SH2B2: variants seen among roughly 807,000 people sequenced by gnomAD.
SH2B2 encodes SH2B adaptor protein 2.
In SH2B2, 37 loss-of-function variants were observed where a neutral mutation model predicts 35.7. The observed-to-expected ratio is 1.04, with a 90% CI of 0.80 to 1.36. The LOEUF is 1.36. Ranked by LOEUF, SH2B2 falls within the 40% of genes most tolerant of loss-of-function variation. The pLI, the probability that SH2B2 is intolerant of heterozygous loss-of-function variation, is 0.00. For missense variants in SH2B2, 852 were observed against 817.7 expected, an observed-to-expected ratio of 1.04 and a Z score of -0.51; for synonymous variants, 383 against 376.4, an observed-to-expected ratio of 1.02 and a Z score of -0.20.
rs1792955320 is a variant in SH2B2 at position 102,297,286 on chromosome 7, C to T, written c.-29-3236C>T. Among the ~76,000 whole-genome samples, 1 of 151,912 alleles carries T rather than the reference C, an allele frequency of 6.6e-6. No homozygotes were observed. The highest frequency in any genetic ancestry group is 1.5e-5 in the Non-Finnish European group (1 of 67,980). The stretch of plus-strand genomic sequence containing the variant: ...CAAAAAAAATGTAGCGGGCCAGGTG[C>T]AAGTGGCTCGTGCCTGTAATTTCAG... On this transcript the variant is annotated intron_variant, in intron 1 of 8. Transcript: ENST00000444095. This position sits in a 1 kb window ranked among gnomAD's most constrained non-coding sequence, Gnocchi z 4.3.
At chr7:102,293,176 G>A (rs1792749426) in intron 1 of SH2B2, 1 of 153,654 alleles carries the variant, frequency 6.5e-6, no homozygotes, top group Admixed American at 6.6e-5. Context: ...GAATTGCTGC[G>A]CGGGCGGGGG....
intron 7 of SH2B2, among the ~76,000 whole-genome samples, chr7:102,317,712 G>A (rs868952697): frequency 5.9e-5 from 9 of 152,156 alleles, no homozygotes; most frequent in Admixed American, 1.3e-4. Context: ...CAGCTCCTGC[G>A]CGCGGGGGAT....
chr7:102,289,519 T>A (rs1374506391), intron 1 of SH2B2, among the ~76,000 whole-genome samples: 2 of 151,846 alleles, frequency 1.3e-5, no homozygotes, highest in East Asian at 3.9e-4. Flanking sequence ...TTGGATGTGG[T>A]GAGTTTGAGG....
Position 102,320,348 on chromosome 7 carries a change from GAA to G in SH2B2, c.1414_1415del (p.Asn472ArgfsTer17). 6.2e-7 allele frequency: 1 copy of G among 1,611,844 alleles called. No homozygotes were observed. The highest frequency in any genetic ancestry group is 8.5e-7 in the Non-Finnish European group (1 of 1,179,842). On this transcript the variant is annotated frameshift_variant, in exon 8 of 9. Coordinates refer to ENST00000444095, the MANE Select transcript of SH2B2 (RefSeq NM_001359228.2). LOFTEE classifies it high-confidence loss of function. ...ACCCACAGCACCTGCGCCTGTCCCTGAACGGCCACGGCCAGTGTCACGTACAG... is the reference window on the plus strand; with the variant it reads ...ACCCACAGCACCTGCGCCTGTCCCTGCGGCCACGGCCAGTGTCACGTACAG... Reference protein sequence around the residue: ...GKAKHLRLSLNGHGQCHVQHL... With the variant: ...GKAKHLRLSLXGHGQCHVQHL...
intron 1 of SH2B2, among the ~76,000 whole-genome samples, chr7:102,288,523 C>T (rs1441133067): frequency 1.3e-5 from 2 of 151,990 alleles, no homozygotes; most frequent in African/African-American, 4.8e-5. Flanking sequence ...TTTCTTTTTA[C>T]CCTTGTTGTG....
intron 1 of SH2B2, among the ~76,000 whole-genome samples, chr7:102,299,141 C>T (rs1304237790): frequency 7.0e-6 from 1 of 141,966 alleles, no homozygotes; most frequent in Non-Finnish European, 1.5e-5. Context: ...CTTCGTGATG[C>T]GCCCGCCTCG....
chr7:102,285,277 A>G (rs1792398059), upstream of SH2B2: 13 of 1,529,350 alleles, frequency 8.5e-6, no homozygotes, highest in Non-Finnish European at 1.2e-5. Flanking sequence ...ACCGCGGGTC[A>G]GGCTCTCCCC....
upstream of SH2B2, among the ~76,000 whole-genome samples, chr7:102,286,694 C>G (rs1418351563): frequency 6.7e-6 from 1 of 149,370 alleles, no homozygotes; most frequent in Non-Finnish European, 1.5e-5. Flanking sequence ...CCAGCAAGCA[C>G]CGGCCACCGG....
intron 3 of SH2B2, 50 bp downstream of exon 3, chr7:102,306,872 C>A: frequency 1.4e-6 from 2 of 1,426,680 alleles, no homozygotes; most frequent in Non-Finnish European, 1.9e-6. Context: ...CCCAGGCCAC[C>A]TTCCCTTTAG....
chr7:102,295,388 T>G (rs1792862900), intron 1 of SH2B2, among the ~76,000 whole-genome samples: 1 of 152,146 alleles, frequency 6.6e-6, no homozygotes, highest in African/African-American at 2.4e-5. Flanking sequence ...GGGACAGGGT[T>G]TCATGGGTTC....
intron 1 of SH2B2, among the ~76,000 whole-genome samples, chr7:102,290,640 G>T (rs1296629201): frequency 6.6e-6 from 1 of 152,188 alleles, no homozygotes; most frequent in African/African-American, 2.4e-5. Context: ...ACCACTGCGT[G>T]GTGGCCAGAG....
chr7:102,315,851 G>A (rs1554556896), intron 6 of SH2B2, among the ~76,000 whole-genome samples: 1 of 151,902 alleles, frequency 6.6e-6, no homozygotes, highest in Non-Finnish European at 1.5e-5. Context: ...TCAGGGATTG[G>A]GAACAGGCGA....
rs182889337 is a variant in SH2B2, at chr7:102,310,294, C to T, written c.923+1388C>T. On this transcript the variant is annotated intron_variant, in intron 4 of 8. Transcript: ENST00000444095. The stretch of plus-strand genomic sequence containing the variant: ...CTGTGCCATTGCACTCCAGTCTGAG[C>T]GACAGAGCAAGACTGTCTCAAAATA... Among the ~76,000 whole-genome samples, 305 of 152,156 alleles carry T rather than the reference C, an allele frequency of 2.0e-3. 5 individuals carry two copies. Among genetic ancestry groups the T allele is most frequent in the Admixed American group, 0.018 (276 of 15,260 alleles).
rs1382496618 is a variant in SH2B2, at chr7:102,321,399, G to A, written c.1668G>A (p.Pro556=). ...CCAGCCTCGCCGCGGCCGCCTGCCC[G>A]CCTGCCTCGCCCTCCGACGCCGCCG... is the stretch of plus-strand genomic sequence containing the variant. ...YFSSLAAAAC[P]PASPSDAAGA... is the part of the protein sequence containing the mutation. The change falls in exon 9 of 9, where the codon CCG becomes CCA. Residue 556 remains proline (P), a synonymous_variant. Transcript: ENST00000444095. 2.2e-6 allele frequency: 3 copies of A among 1,373,024 alleles called. No individual in the cohort carries two copies. The highest frequency in any genetic ancestry group is 3.3e-5 in the East Asian group (1 of 30,650). The allele number at this position is 1,373,024 out of a possible 1,614,324, so 85.1% of individuals were successfully genotyped here.
chr7:102,307,858 C>T (rs1324056615), intron 3 of SH2B2, among the ~76,000 whole-genome samples: 2 of 152,014 alleles, frequency 1.3e-5, no homozygotes, highest in Admixed American at 6.5e-5. Flanking sequence ...ACAACCTCCT[C>T]CTCCCGGGCT....
At chr7:102,310,044 A>G (rs1793559458) in intron 4 of SH2B2, among the ~76,000 whole-genome samples, 1 of 152,162 alleles carries the variant, frequency 6.6e-6, no homozygotes, top group African/African-American at 2.4e-5. Context: ...GGCCAGGCAC[A>G]GTGGTTCATG....
intron 1 of SH2B2, among the ~76,000 whole-genome samples, chr7:102,291,943 G>A (rs1554551841): frequency 2.6e-5 from 4 of 152,126 alleles, no homozygotes. Flanking sequence ...GGCTGCAGGG[G>A]TGGAAGGGAC....
At position 102,297,207 on chromosome 7, in the gene SH2B2, C is replaced by T. The variant is rs371013341; in HGVS notation, c.-29-3315C>T. Among the ~76,000 whole-genome samples, 84 of 152,160 alleles carry T rather than the reference C, an allele frequency of 5.5e-4. No individual in the cohort carries two copies. The highest frequency in any genetic ancestry group is 2.0e-3 in the African/African-American group (83 of 41,504). ...GAATTATCCCTTTGTCTGGCATATCCGCACTCTGGATACGACCCGCTCGCC... is the reference window on the plus strand; with the variant it reads ...GAATTATCCCTTTGTCTGGCATATCTGCACTCTGGATACGACCCGCTCGCC... On this transcript the variant is annotated intron_variant, in intron 1 of 8. Coordinates refer to ENST00000444095, the MANE Select transcript of SH2B2 (RefSeq NM_001359228.2). This position sits in a 1 kb window ranked among gnomAD's most constrained non-coding sequence, Gnocchi z 4.3.
chr7:102,294,663 G>A lies in SH2B2; in HGVS notation c.-29-5859G>A, dbSNP rs184089619. Among the ~76,000 whole-genome samples, 5 of 152,256 alleles carry A rather than the reference G, an allele frequency of 3.3e-5. No individual in the cohort carries two copies. In the East Asian group the frequency reaches 9.7e-4, roughly 29 times the overall value. ...CTCCCCAGTTCTGGTCCCAAAGATG[G>A]GTGGGGACAGTGCACTCCTGCCCCT... On this transcript the variant is annotated intron_variant, in intron 1 of 8. Coordinates refer to ENST00000444095, the MANE Select transcript of SH2B2 (RefSeq NM_001359228.2).
Sources: gnomAD v4.1 joint callset for allele counts (sites outside exome capture counted in the v4.1 genomes callset) on GRCh38, gnomAD v4.1.1 for gene constraint, Gnocchi (gnomAD v3.1) non-coding constraint, MANE v1.5 for transcripts, NCBI Gene and HGNC (gene_info 2026-07-23, HGNC 2026-07-21) for gene names.